Variants in BMPER observed in about 807,000 individuals in gnomAD.
BMPER encodes the protein BMP binding endothelial regulator, also known as BMP-binding endothelial regulator protein.
A neutral mutation model predicts 87.3 loss-of-function variants in BMPER; 45 were observed. The observed-to-expected ratio is 0.52, with a 90% confidence interval of 0.41 to 0.66. The LOEUF is 0.66. Among genes scored for constraint, BMPER ranks in the 30% least tolerant of loss-of-function variants. BMPER has a pLI of 0.00. For synonymous variants in BMPER, 326 were observed against 316.2 expected (o/e 1.03, Z -0.33); for missense variants, 784 against 867.5 (o/e 0.90, Z 1.21).
At chr7:33,993,975 G>A (rs907531895) in intron 6 of BMPER, among the ~76,000 whole-genome samples, 12 of 152,256 alleles carry the variant, frequency 7.9e-5, no homozygotes, top group African/African-American at 1.9e-4. Flanking sequence ...CAGTCTGCCC[G>A]TTCTCAGATC....
chr7:34,010,207 T>G (rs925702648), intron 6 of BMPER, among the ~76,000 whole-genome samples: 14 of 151,872 alleles, frequency 9.2e-5, no homozygotes, highest in Admixed American at 8.5e-4. Flanking sequence ...TTAGCTCAGA[T>G]GTCATCTCCT....
At chr7:33,941,559 T>C (rs114214373) in intron 3 of BMPER, among the ~76,000 whole-genome samples, 1,674 of 152,260 alleles carry the variant, frequency 0.011, 38 homozygotes, top group African/African-American at 0.038. Context: ...CATCTAGGGT[T>C]GATGGGAGAC....
intron 13 of BMPER, among the ~76,000 whole-genome samples, chr7:34,106,887 C>A (rs1340362783): frequency 2.0e-5 from 3 of 152,134 alleles, no homozygotes; most frequent in African/African-American, 7.2e-5. Flanking sequence ...TCTTTTTTAC[C>A]TTTCCAAATC....
chr7:33,916,302 C>G (rs958896509), intron 2 of BMPER, among the ~76,000 whole-genome samples: 2 of 152,172 alleles, frequency 1.3e-5, no homozygotes, highest in Non-Finnish European at 2.9e-5. Context: ...TTACAAACAA[C>G]GAATCAGAGT....
chr7:33,965,259 G>C (rs1445462049), intron 3 of BMPER, among the ~76,000 whole-genome samples: 1 of 152,200 alleles, frequency 6.6e-6, no homozygotes, highest in Non-Finnish European at 1.5e-5. Context: ...AGGAACTAGA[G>C]AGCAGAGTAT....
intron 11 of BMPER, among the ~76,000 whole-genome samples, chr7:34,072,603 C>G (rs907200352): frequency 6.6e-6 from 1 of 152,150 alleles, no homozygotes; most frequent in Non-Finnish European, 1.5e-5. Flanking sequence ...AATACATTCA[C>G]CTCTTTCAGA....
At chr7:33,957,211 A>G (rs1245084083) in intron 3 of BMPER, among the ~76,000 whole-genome samples, 1 of 151,944 alleles carries the variant, frequency 6.6e-6, no homozygotes, top group Non-Finnish European at 1.5e-5. Context: ...GCCCTTCAGT[A>G]GGTGAGTGGT....
At chr7:34,083,288 C>T (rs1031275845) in intron 12 of BMPER, among the ~76,000 whole-genome samples, 1 of 152,198 alleles carries the variant, frequency 6.6e-6, no homozygotes. Flanking sequence ...GAGGTCAGCC[C>T]AGCCTGTGGG....
chr7:34,078,673 G>A (rs1330339172), intron 11 of BMPER, among the ~76,000 whole-genome samples, 184 bp from the exon 12 acceptor site: 1 of 152,144 alleles, frequency 6.6e-6, no homozygotes, highest in African/African-American at 2.4e-5. Context: ...AAAAGAACCA[G>A]AAGTATTCTG....
intron 2 of BMPER, among the ~76,000 whole-genome samples, chr7:33,909,101 A>T (rs1260737586): frequency 6.6e-6 from 1 of 152,110 alleles, no homozygotes; most frequent in Non-Finnish European, 1.5e-5. Flanking sequence ...TTTTTATTTT[A>T]TTTTATTTTT....
At chr7:34,130,011 G>T (rs1790538570) in intron 13 of BMPER, among the ~76,000 whole-genome samples, 1 of 152,062 alleles carries the variant, frequency 6.6e-6, no homozygotes, top group African/African-American at 2.4e-5. Flanking sequence ...TACTAGCAAT[G>T]ATAAGTGAAT....
At chr7:34,044,226 A>G (rs1352448277) in intron 6 of BMPER, among the ~76,000 whole-genome samples, 2 of 152,232 alleles carry the variant, frequency 1.3e-5, no homozygotes, top group Admixed American at 6.5e-5. Flanking sequence ...ATTGTAAGGA[A>G]AATTACTTCA....
chr7:34,070,214 A>G (rs1321556636), intron 11 of BMPER, among the ~76,000 whole-genome samples: 1 of 152,118 alleles, frequency 6.6e-6, no homozygotes, highest in Non-Finnish European at 1.5e-5. Flanking sequence ...AATTTTGTTA[A>G]TAGTTTCTAC....
At chr7:33,905,450 C>A, upstream of BMPER, 1 of 371,276 alleles carries the variant, frequency 2.7e-6, no homozygotes, top group South Asian at 2.0e-5. Context: ...CCCCCGCCCT[C>A]CCTCACACCC....
At chr7:33,937,935 T>C (rs1201950291) in intron 3 of BMPER, among the ~76,000 whole-genome samples, 1 of 152,200 alleles carries the variant, frequency 6.6e-6, no homozygotes, top group African/African-American at 2.4e-5. Flanking sequence ...TCCAGCCACA[T>C]GCTCCTTCTG....
chr7:33,947,834 G>T (rs1784924470), intron 3 of BMPER, among the ~76,000 whole-genome samples: 1 of 151,986 alleles, frequency 6.6e-6, no homozygotes, highest in African/African-American at 2.4e-5. Context: ...GCTGCTTCGA[G>T]AATGACCTGG....
intron 13 of BMPER, among the ~76,000 whole-genome samples, chr7:34,103,073 G>A (rs933119404): frequency 3.3e-5 from 5 of 152,174 alleles, no homozygotes; most frequent in Non-Finnish European, 7.3e-5. Flanking sequence ...ATCTGGCACT[G>A]AAGGATCCTC....
chr7:33,966,672 A>G (rs1365383867), intron 4 of BMPER, 111 bp downstream of exon 4: 2 of 1,012,090 alleles, frequency 2.0e-6, no homozygotes, highest in African/African-American at 1.6e-5. Flanking sequence ...CAGAAATGAA[A>G]AAAACAATGA....
chr7:34,134,768 G>A (rs1186316225), intron 13 of BMPER, among the ~76,000 whole-genome samples: 1 of 152,146 alleles, frequency 6.6e-6, no homozygotes, highest in Non-Finnish European at 1.5e-5. Flanking sequence ...CTGATATATG[G>A]CCTTATCAAG....
Sources: gnomAD v4.1 joint callset for allele counts (sites outside exome capture counted in the v4.1 genomes callset) on GRCh38, gnomAD v4.1.1 for gene constraint, MANE v1.5 for transcripts, NCBI Gene and HGNC (gene_info 2026-07-23, HGNC 2026-07-21) for gene names.